The following CNTN4 variants were observed in gnomAD, a reference collection of about 807,000 sequenced individuals.
The protein encoded by CNTN4 is contactin-4.
Under a neutral mutation model 122.5 loss-of-function variants are expected in CNTN4, and 77 were observed. The ratio of observed to expected loss-of-function variants is 0.63; its 90% confidence interval spans 0.52 to 0.76. The LOEUF (loss-of-function observed/expected upper bound fraction) is 0.76, where lower values mean the gene tolerates loss of function less well. CNTN4 is among the 30% of genes least tolerant of loss of function. The pLI, the probability that CNTN4 is intolerant of heterozygous loss-of-function variation, is 0.00. For synonymous variants in CNTN4, 512 were observed against 447.0 expected, an observed-to-expected ratio of 1.15 and a Z score of -1.83; for missense variants, 1,256 against 1,259.1, an observed-to-expected ratio of 1.00 and a Z score of 0.04.
chr3:2,737,474 G>A (rs746499317), intron 5 of CNTN4, among the ~76,000 whole-genome samples: 14 of 152,058 alleles, frequency 9.2e-5, no homozygotes, highest in Non-Finnish European at 1.8e-4. Flanking sequence ...TCTGTTTTTC[G>A]TAGTGCTGGG....
intron 3 of CNTN4, among the ~76,000 whole-genome samples, chr3:2,503,691 AT>A (rs202208109): frequency 4.3e-4 from 66 of 151,742 alleles, no homozygotes; most frequent in East Asian, 2.1e-3. Context: ...GATTGAGAGG[AT>A]TTTTTTTTAA....
chr3:2,357,746 G>C (rs1442633011), intron 3 of CNTN4, among the ~76,000 whole-genome samples: 1 of 152,176 alleles, frequency 6.6e-6, no homozygotes, highest in Non-Finnish European at 1.5e-5. Context: ...AAAATAAGTA[G>C]TGTCCAATTC....
chr3:2,387,188 A>G (rs1052103227), intron 3 of CNTN4, among the ~76,000 whole-genome samples: 8 of 152,234 alleles, frequency 5.3e-5, no homozygotes, highest in African/African-American at 1.9e-4. Flanking sequence ...ATATTGAAAA[A>G]TATCTAAAGT....
chr3:2,583,904 A>G (rs17016957), intron 4 of CNTN4, among the ~76,000 whole-genome samples: 15,229 of 152,184 alleles, frequency 0.1, 784 homozygotes, highest in South Asian at 0.13. Context: ...CAGGCAAAAT[A>G]CAATGTTTCT....
intron 6 of CNTN4, among the ~76,000 whole-genome samples, chr3:2,805,954 T>C (rs1044745724): frequency 6.6e-6 from 1 of 152,086 alleles, no homozygotes; most frequent in Non-Finnish European, 1.5e-5. Context: ...CAGGCTGGAG[T>C]GCAGTGGTGA....
intron 13 of CNTN4, among the ~76,000 whole-genome samples, chr3:2,930,619 A>G (rs369263637): frequency 6.6e-6 from 1 of 152,212 alleles, no homozygotes. Context: ...AAGCAAATGG[A>G]TAATAAGCAG....
intron 12 of CNTN4, among the ~76,000 whole-genome samples, chr3:2,915,221 A>T (rs1319345029): frequency 6.6e-6 from 1 of 152,124 alleles, no homozygotes; most frequent in Non-Finnish European, 1.5e-5. Flanking sequence ...GCATGCCAAC[A>T]TGGCTGGCTA....
chr3:2,968,495 C>G (rs115206406), intron 13 of CNTN4, among the ~76,000 whole-genome samples: 2 of 152,148 alleles, frequency 1.3e-5, no homozygotes, highest in Admixed American at 1.3e-4. Flanking sequence ...TGTTAAGTAA[C>G]TTTTTGTCTG....
chr3:2,251,644 T>C (rs1213798949), intron 2 of CNTN4, among the ~76,000 whole-genome samples: 1 of 151,930 alleles, frequency 6.6e-6, no homozygotes, highest in African/African-American at 2.4e-5. Context: ...ATTTAGCCCT[T>C]ATTATAACAT....
At chr3:2,958,443 G>A (rs1048904260) in intron 13 of CNTN4, among the ~76,000 whole-genome samples, 5 of 152,138 alleles carry the variant, frequency 3.3e-5, no homozygotes, top group Non-Finnish European at 4.4e-5. Flanking sequence ...GAATTCTCAT[G>A]GCAGCCCAAC....
chr3:2,844,291 G>A (rs962454472), intron 7 of CNTN4, among the ~76,000 whole-genome samples: 14 of 152,044 alleles, frequency 9.2e-5, no homozygotes, highest in African/African-American at 2.9e-4. Flanking sequence ...ACTCCTTTTT[G>A]AGAATTATAT....
intron 3 of CNTN4, among the ~76,000 whole-genome samples, chr3:2,395,942 T>G (rs1014626800): frequency 6.6e-6 from 1 of 152,162 alleles, no homozygotes; most frequent in African/African-American, 2.4e-5. Context: ...TGAATTCTTG[T>G]GCTTACCCAC....
chr3:2,630,455 G>A lies in CNTN4; in HGVS notation c.55+58897G>A, dbSNP rs368503257. Among the ~76,000 whole-genome samples the A allele has an allele frequency of 2.5e-4, 38 of 152,210 alleles. No individual in the cohort carries two copies. The East Asian group carries it at 5.8e-3, about 23-fold the overall frequency. On this transcript the variant is annotated intron_variant, in intron 4 of 24. Coordinates refer to ENST00000418658, the MANE Select transcript of CNTN4 (RefSeq NM_175607.3). Reference sequence around the variant, plus strand: ...CCCTGTCTCAAAACAAAGAATCTGAGCCTAAAATATTTACAATCTGTATAT... The same window carrying A: ...CCCTGTCTCAAAACAAAGAATCTGAACCTAAAATATTTACAATCTGTATAT...
intron 3 of CNTN4, among the ~76,000 whole-genome samples, chr3:2,353,946 C>T (rs1361426939): frequency 6.6e-6 from 1 of 152,048 alleles, no homozygotes; most frequent in Non-Finnish European, 1.5e-5. Flanking sequence ...ATAAAGGAGT[C>T]CTCACTTGAT....
At chr3:2,566,426 G>A (rs1230386052) in intron 3 of CNTN4, among the ~76,000 whole-genome samples, 1 of 152,196 alleles carries the variant, frequency 6.6e-6, no homozygotes, top group African/African-American at 2.4e-5. Flanking sequence ...TAAATGAGAA[G>A]TGAATGTAAG....
intron 4 of CNTN4, among the ~76,000 whole-genome samples, chr3:2,708,695 C>T (rs538592200): frequency 1.3e-4 from 19 of 150,496 alleles, no homozygotes; most frequent in South Asian, 2.1e-4. Flanking sequence ...CCAGAGAGCA[C>T]GTCCATGCAC....
intron 4 of CNTN4, among the ~76,000 whole-genome samples, chr3:2,618,481 T>C (rs1027514786): frequency 2.6e-5 from 4 of 152,122 alleles, no homozygotes; most frequent in Admixed American, 1.3e-4. Context: ...TTGTAAAAAG[T>C]AAATGAGCAT....
At chr3:2,181,703 A>G (rs902552744) in intron 2 of CNTN4, among the ~76,000 whole-genome samples, 2 of 152,094 alleles carry the variant, frequency 1.3e-5, no homozygotes, top group African/African-American at 4.8e-5. Context: ...AGTACCTTTC[A>G]TTCTGTTTTC....
intron 6 of CNTN4, among the ~76,000 whole-genome samples, chr3:2,762,963 A>G (rs1283870247): frequency 1.2e-5 from 1 of 83,354 alleles, no homozygotes; most frequent in African/African-American, 4.3e-5. Context: ...TTTTTTTTAG[A>G]CTGAGTCTCG....
Sources: gnomAD v4.1 joint callset for allele counts (sites outside exome capture counted in the v4.1 genomes callset) on GRCh38, gnomAD v4.1.1 for gene constraint, MANE v1.5 for transcripts, NCBI Gene and HGNC (gene_info 2026-07-23, HGNC 2026-07-21) for gene names.